The following TRIM2 variants were observed in gnomAD, a reference collection of about 807,000 sequenced individuals.
TRIM2 encodes tripartite motif containing 2.
A neutral mutation model predicts 75.2 loss-of-function variants in TRIM2; 20 were observed. The ratio of observed to expected loss-of-function variants is 0.27; its 90% CI spans 0.19 to 0.39. TRIM2 has a LOEUF of 0.39. Among genes scored for constraint, TRIM2 ranks in the 10% least tolerant of loss-of-function variants. The pLI is 1.00. For synonymous variants in TRIM2, 373 were observed against 388.3 expected, an observed-to-expected ratio of 0.96 and a Z score of 0.46; for missense variants, 660 against 990.8, an observed-to-expected ratio of 0.67 and a Z score of 4.48.
At chr4:153,275,655 C>T (rs1425285146) in intron 2 of TRIM2, among the ~76,000 whole-genome samples, 2 of 152,232 alleles carry the variant, frequency 1.3e-5, no homozygotes, top group African/African-American at 4.8e-5. Flanking sequence ...TGTGCCAAGG[C>T]ACTAGAAAAC....
At chr4:153,240,978 G>A (rs1476880865) in intron 1 of TRIM2, among the ~76,000 whole-genome samples, 2 of 152,244 alleles carry the variant, frequency 1.3e-5, no homozygotes, top group Non-Finnish European at 2.9e-5. Flanking sequence ...TCCGGAGGCT[G>A]AGGCAGGAGA....
At chr4:153,263,427 TG>T (rs1401279371) in intron 1 of TRIM2, among the ~76,000 whole-genome samples, 1 of 152,240 alleles carries the variant, frequency 6.6e-6, no homozygotes, top group Non-Finnish European at 1.5e-5. Flanking sequence ...CTCTTTATCA[TG>T]GAATTCAGCA....
intron 9 of TRIM2, among the ~76,000 whole-genome samples, chr4:153,323,124 A>C (rs563302701): frequency 6.6e-6 from 1 of 152,342 alleles, no homozygotes; most frequent in Admixed American, 6.5e-5. Context: ...ATATTTGAAA[A>C]ACAAGGAATA....
intron 6 of TRIM2, 148 bp downstream of exon 6, chr4:153,296,184 G>A (rs1264119658): frequency 1.8e-6 from 2 of 1,096,708 alleles, no homozygotes; most frequent in Middle Eastern, 3.0e-4. Context: ...GATATATTTT[G>A]TTAGTCGAGC....
intron 1 of TRIM2, among the ~76,000 whole-genome samples, chr4:153,236,986 G>A (rs1246965709): frequency 4.6e-5 from 7 of 152,072 alleles, no homozygotes; most frequent in East Asian, 1.9e-4. Flanking sequence ...GAGCCACCTC[G>A]CACAGCCAGA....
intron 9 of TRIM2, among the ~76,000 whole-genome samples, chr4:153,323,280 GT>G (rs1466106680): frequency 6.6e-6 from 1 of 152,212 alleles, no homozygotes; most frequent in African/African-American, 2.4e-5. Flanking sequence ...TCTCTTTGGT[GT>G]AGCACTTTGC....
chr4:153,279,409 A>G (rs1438688411), intron 3 of TRIM2, among the ~76,000 whole-genome samples: 1 of 152,222 alleles, frequency 6.6e-6, no homozygotes, highest in Non-Finnish European at 1.5e-5. Flanking sequence ...TACATTAGTA[A>G]CACATGTTTA....
chr4:153,275,870 C>T, intron 2 of TRIM2, 23 bp from the exon 3 acceptor site: 1 of 1,609,168 alleles, frequency 6.2e-7, no homozygotes, highest in Non-Finnish European at 8.5e-7. Context: ...GTGCTAAGCT[C>T]TCCACCTCTG....
At chr4:153,260,827 T>C (rs898438433) in intron 1 of TRIM2, among the ~76,000 whole-genome samples, 2 of 151,930 alleles carry the variant, frequency 1.3e-5, no homozygotes, top group Middle Eastern at 3.4e-3. Context: ...AGAGGCTTGA[T>C]TTAACTGGAA....
At chr4:153,225,697 T>C (rs940663570) in intron 1 of TRIM2, among the ~76,000 whole-genome samples, 1 of 152,172 alleles carries the variant, frequency 6.6e-6, no homozygotes, top group African/African-American at 2.4e-5. Context: ...GGGGAGTGAA[T>C]TTCATGACCT....
In TRIM2 at chr4:153,338,337, A is replaced by C. The variant is rs73854660; in HGVS notation, c.*3371A>C. On this transcript the variant is annotated 3_prime_UTR_variant, in exon 12 of 12. Transcript: ENST00000338700. The stretch of plus-strand genomic sequence containing the variant: ...TGGGAAAAATCTTTTTGTAGACTCT[A>C]TAGTACCCTCTCTATTCACTAGCTT... 8,995 of 985,710 alleles carry C rather than the reference A, an allele frequency of 9.1e-3. 600 individuals are homozygous for C. The African/African-American group carries it at 0.14, about 16-fold the overall frequency. 61.1% of individuals were successfully genotyped at this position (985,710 alleles called of 1,614,324 possible).
At chr4:153,212,160 T>C (rs1024540532) in intron 1 of TRIM2, among the ~76,000 whole-genome samples, 2 of 152,112 alleles carry the variant, frequency 1.3e-5, no homozygotes, top group African/African-American at 4.8e-5. Context: ...TGTCAACAGA[T>C]GATGATTAAA....
chr4:153,204,437 T>C, upstream of TRIM2: 1 of 1,464,412 alleles, frequency 6.8e-7, no homozygotes, highest in South Asian at 1.2e-5. Context: ...GGCCACCCTT[T>C]AACTCGGCAG....
At chr4:153,210,473 C>G (rs1736681117) in intron 1 of TRIM2, among the ~76,000 whole-genome samples, 1 of 152,096 alleles carries the variant, frequency 6.6e-6, no homozygotes, top group Non-Finnish European at 1.5e-5. Flanking sequence ...TCATGGGTCC[C>G]CAAATGTTTC....
intron 1 of TRIM2, among the ~76,000 whole-genome samples, chr4:153,182,055 C>G (rs1188024998): frequency 6.6e-6 from 1 of 152,134 alleles, no homozygotes; most frequent in East Asian, 1.9e-4. Context: ...GGCTCCCCAC[C>G]CATCTCAGTC....
intron 1 of TRIM2, among the ~76,000 whole-genome samples, chr4:153,220,100 G>A (rs1186281840): frequency 1.3e-5 from 2 of 152,054 alleles, no homozygotes; most frequent in Non-Finnish European, 2.9e-5. Context: ...GTTAAGAGAC[G>A]GGGAGTTCAT....
intron 1 of TRIM2, among the ~76,000 whole-genome samples, chr4:153,249,523 A>T (rs1750276429): frequency 6.6e-6 from 1 of 152,204 alleles, no homozygotes; most frequent in African/African-American, 2.4e-5. Context: ...GTAATCCACT[A>T]TCTGGGACCG....
rs866506817 is a variant in TRIM2 at position 153,244,289 on chromosome 4, C to T, written c.31-26046C>T. Among the ~76,000 whole-genome samples the T allele has an allele frequency of 4.9e-4, 19 of 38,528 alleles. 1 individual carries two copies. The highest frequency in any genetic ancestry group is 2.7e-3 in the African/African-American group (14 of 5,154). 25.3% of individuals were successfully genotyped at this position (38,528 alleles called of 152,430 possible). On this transcript the variant is annotated intron_variant, in intron 1 of 11. Transcript: ENST00000338700. Reference sequence around the variant, plus strand: ...CCTCCTCCTCCTCCTCCTCCTCCTCCTCCTCCTCCTCCTCCTCCTCCTCCT... The same window carrying T: ...CCTCCTCCTCCTCCTCCTCCTCCTCTTCCTCCTCCTCCTCCTCCTCCTCCT...
upstream of TRIM2, among the ~76,000 whole-genome samples, chr4:153,200,724 A>AATATAT (rs1328920767): frequency 3.8e-4 from 53 of 138,120 alleles, no homozygotes; most frequent in Non-Finnish European, 6.5e-4. Flanking sequence ...AAGAAAAAAA[A>AATATAT]ATATATATAT....
Sources: allele counts gnomAD v4.1 joint callset (sites outside exome capture counted in the v4.1 genomes callset), GRCh38; gene constraint gnomAD v4.1.1; transcripts MANE v1.5; gene names NCBI Gene and HGNC (gene_info 2026-07-23, HGNC 2026-07-21).